Variants in CTNNA3 observed in about 807,000 individuals in gnomAD.
The protein encoded by CTNNA3 is catenin alpha-3.
In CTNNA3, 76 loss-of-function variants were observed where a neutral mutation model predicts 95.7. The observed-to-expected ratio is 0.79, with a 90% confidence interval of 0.66 to 0.96. The LOEUF (loss-of-function observed/expected upper bound fraction) is 0.96, where lower values mean the gene tolerates loss of function less well. Among genes scored for constraint, CTNNA3 ranks in the 40% least tolerant of loss-of-function variants. CTNNA3 has a pLI of 0.00. For missense variants in CTNNA3, 1,191 were observed against 1,089.8 expected, an observed-to-expected ratio of 1.09 and a Z score of -1.31; for synonymous variants, 431 against 374.4, an observed-to-expected ratio of 1.15 and a Z score of -1.74.
intron 17 of CTNNA3, among the ~76,000 whole-genome samples, chr10:65,948,306 A>C (rs1205791412): frequency 6.6e-6 from 1 of 151,424 alleles, no homozygotes; most frequent in Non-Finnish European, 1.5e-5. Flanking sequence ...AAAAGAAAGA[A>C]AGAAATACCA....
chr10:67,412,541 G>A (rs1249986674), intron 5 of CTNNA3, among the ~76,000 whole-genome samples: 1 of 151,886 alleles, frequency 6.6e-6, no homozygotes, highest in Non-Finnish European at 1.5e-5. Flanking sequence ...GACCCTACCC[G>A]AGGCACATAG....
At chr10:67,356,646 C>A (rs1239405606) in intron 5 of CTNNA3, among the ~76,000 whole-genome samples, 1 of 151,864 alleles carries the variant, frequency 6.6e-6, no homozygotes, top group East Asian at 1.9e-4. Flanking sequence ...TATTACTTCC[C>A]ATTTTTCCAG....
intron 1 of CTNNA3, among the ~76,000 whole-genome samples, chr10:67,727,340 A>G (rs1841241140): frequency 7.6e-6 from 1 of 132,396 alleles, no homozygotes; most frequent in Non-Finnish European, 1.6e-5. Flanking sequence ...ATATTATTGT[A>G]TATTATATAT....
At chr10:66,424,034 T>C (rs1042831164) in intron 11 of CTNNA3, among the ~76,000 whole-genome samples, 1 of 152,162 alleles carries the variant, frequency 6.6e-6, no homozygotes, top group Non-Finnish European at 1.5e-5. Flanking sequence ...TAAGTATATT[T>C]ATTTAAGAAT....
At chr10:66,847,372 T>C (rs1843318084) in intron 7 of CTNNA3, among the ~76,000 whole-genome samples, 1 of 152,216 alleles carries the variant, frequency 6.6e-6, no homozygotes, top group Admixed American at 6.5e-5. Flanking sequence ...TGACCAACTA[T>C]ATTTTGAATA....
intron 13 of CTNNA3, among the ~76,000 whole-genome samples, chr10:66,208,367 T>A (rs1006265584): frequency 6.6e-6 from 1 of 152,018 alleles, no homozygotes; most frequent in South Asian, 2.1e-4. Context: ...GATTTTAGCA[T>A]CATTTTAGCA....
At chr10:67,734,514 A>G (rs1272057059) in intron 1 of CTNNA3, among the ~76,000 whole-genome samples, 1 of 152,202 alleles carries the variant, frequency 6.6e-6, no homozygotes, top group Non-Finnish European at 1.5e-5. Context: ...TACCTATTAT[A>G]CAGAAATAAT....
At chr10:67,604,267 C>T (rs992897083) in intron 3 of CTNNA3, among the ~76,000 whole-genome samples, 3 of 152,108 alleles carry the variant, frequency 2.0e-5, no homozygotes, top group African/African-American at 2.4e-5. Flanking sequence ...TAAAGCAACA[C>T]GGAACATTCA....
chr10:66,782,795 A>G (rs1840592805), intron 7 of CTNNA3, among the ~76,000 whole-genome samples: 1 of 152,172 alleles, frequency 6.6e-6, no homozygotes. Flanking sequence ...CCTATTAGTT[A>G]TTAAATATTT....
chr10:66,811,466 G>T (rs1179615427), intron 7 of CTNNA3, among the ~76,000 whole-genome samples: 1 of 152,190 alleles, frequency 6.6e-6, no homozygotes. Flanking sequence ...ATGGCAGAAT[G>T]CATAGTAATA....
intron 9 of CTNNA3, among the ~76,000 whole-genome samples, chr10:66,677,260 AC>A (rs1051042150): frequency 1.3e-4 from 19 of 151,990 alleles, no homozygotes; most frequent in African/African-American, 4.6e-4. Flanking sequence ...TACTAAAAAA[AC>A]ATACACACTA....
At chr10:66,913,361 T>A (rs945245486) in intron 7 of CTNNA3, among the ~76,000 whole-genome samples, 1 of 149,356 alleles carries the variant, frequency 6.7e-6, no homozygotes, top group Non-Finnish European at 1.5e-5. Flanking sequence ...GAGGACAGCA[T>A]CTCACTTTTA....
intron 11 of CTNNA3, among the ~76,000 whole-genome samples, chr10:66,397,215 G>A (rs1228718566): frequency 4.6e-5 from 7 of 151,562 alleles, no homozygotes; most frequent in Non-Finnish European, 1.5e-5. Context: ...ATTGCATGCA[G>A]TAATATACAT....
chr10:67,754,515 T>C (rs550220528), intron 1 of CTNNA3, among the ~76,000 whole-genome samples: 137 of 152,266 alleles, frequency 9.0e-4, no homozygotes, highest in African/African-American at 3.1e-3. Context: ...TCTCTCACCA[T>C]ACACAAAAAT....
intron 5 of CTNNA3, among the ~76,000 whole-genome samples, chr10:67,414,708 G>A (rs1436467829): frequency 1.3e-5 from 2 of 152,130 alleles, no homozygotes; most frequent in Admixed American, 1.3e-4. Context: ...ATTGAATCTA[G>A]CAGCACATCA....
chr10:66,419,935 C>T (rs1400215972), intron 11 of CTNNA3, among the ~76,000 whole-genome samples: 1 of 152,012 alleles, frequency 6.6e-6, no homozygotes, highest in Non-Finnish European at 1.5e-5. Flanking sequence ...TATAAAACTC[C>T]TAGAAGGAAA....
chr10:66,553,613 T>C (rs1472618470), intron 10 of CTNNA3, among the ~76,000 whole-genome samples: 3 of 134,252 alleles, frequency 2.2e-5, no homozygotes, highest in Non-Finnish European at 4.6e-5. Flanking sequence ...CTGCAACCTC[T>C]GCCTCCTGGG....
At chr10:67,573,108 T>A (rs538132908) in intron 3 of CTNNA3, among the ~76,000 whole-genome samples, 1 of 151,930 alleles carries the variant, frequency 6.6e-6, no homozygotes, top group East Asian at 1.9e-4. Flanking sequence ...AGTAAAAAAA[T>A]AAATAGAATA....
intron 7 of CTNNA3, among the ~76,000 whole-genome samples, chr10:67,152,727 T>C (rs1479171648): frequency 1.3e-5 from 2 of 152,182 alleles, no homozygotes; most frequent in African/African-American, 4.8e-5. Context: ...ACCCACAAAA[T>C]AGCTTCTACT....
Sources: gnomAD v4.1 joint callset for allele counts (sites outside exome capture counted in the v4.1 genomes callset) on GRCh38, gnomAD v4.1.1 for gene constraint, MANE v1.5 for transcripts, NCBI Gene and HGNC (gene_info 2026-07-23, HGNC 2026-07-21) for gene names.